ZNF708: variants seen among roughly 807,000 people sequenced by gnomAD.
ZNF708 encodes the protein zinc finger protein 708, also known as ZNF15, ZNF15L1.
A neutral mutation model predicts 47.0 loss-of-function variants in ZNF708; 44 were observed. The ratio of observed to expected loss-of-function variants is 0.94; its 90% CI spans 0.74 to 1.20. The LOEUF (loss-of-function observed/expected upper bound fraction) is 1.20, where lower values mean the gene tolerates loss of function less well. Among genes scored for constraint, ZNF708 ranks in the 50% most tolerant of loss-of-function variants. The pLI, the probability that ZNF708 is intolerant of heterozygous loss-of-function variation, is 0.00. For missense variants in ZNF708, 557 were observed against 656.0 expected (o/e 0.85, Z 1.65); for synonymous variants, 184 against 218.5 (o/e 0.84, Z 1.39).
chr19:21,328,719 T>A (rs1403171952), intron 1 of ZNF708, among the ~76,000 whole-genome samples: 2 of 152,262 alleles, frequency 1.3e-5, no homozygotes, highest in African/African-American at 4.8e-5. Flanking sequence ...GCTCCTCCCA[T>A]GAACCACAAA....
At chr19:21,320,073 G>A (rs1973096267) in intron 1 of ZNF708, among the ~76,000 whole-genome samples, 1 of 152,142 alleles carries the variant, frequency 6.6e-6, no homozygotes, top group African/African-American at 2.4e-5. Context: ...CTATTCAGGA[G>A]GCTGAGGCAG....
chr19:21,311,977 T>TA (rs1410641648), intron 1 of ZNF708, among the ~76,000 whole-genome samples: 2 of 152,094 alleles, frequency 1.3e-5, no homozygotes, highest in African/African-American at 4.8e-5. Flanking sequence ...AGCCTCATGT[T>TA]AAAATCACAT....
chr19:21,314,447 T>C (rs542312829), intron 1 of ZNF708, among the ~76,000 whole-genome samples: 2 of 152,158 alleles, frequency 1.3e-5, no homozygotes, highest in African/African-American at 2.4e-5. Flanking sequence ...TCCATAAATA[T>C]CCCTTCAAGT....
intron 1 of ZNF708, among the ~76,000 whole-genome samples, chr19:21,320,133 G>A (rs1469100209): frequency 1.3e-5 from 2 of 152,038 alleles, no homozygotes; most frequent in East Asian, 3.9e-4. Context: ...CCAAGATCAT[G>A]CCACTGCACT....
intron 1 of ZNF708, among the ~76,000 whole-genome samples, chr19:21,323,795 C>T (rs1233700709): frequency 6.6e-6 from 1 of 152,152 alleles, no homozygotes; most frequent in Non-Finnish European, 1.5e-5. Flanking sequence ...CTGGGGTGAG[C>T]AGGCTGGGAT....
intron 1 of ZNF708, among the ~76,000 whole-genome samples, chr19:21,312,768 G>A (rs1220827822): frequency 6.6e-6 from 1 of 151,654 alleles, no homozygotes; most frequent in Admixed American, 6.6e-5. Flanking sequence ...GCAGTAGTTA[G>A]AGAAAGCAGG....
intron 3 of ZNF708, among the ~76,000 whole-genome samples, chr19:21,301,406 A>C (rs1972656613): frequency 1.3e-5 from 2 of 151,940 alleles, no homozygotes; most frequent in African/African-American, 4.8e-5. Flanking sequence ...CAAGGTCAGG[A>C]GTTTGAGACC....
chr19:21,316,928 A>G (rs1973026664), intron 1 of ZNF708, among the ~76,000 whole-genome samples: 2 of 152,030 alleles, frequency 1.3e-5, no homozygotes, highest in African/African-American at 4.8e-5. Context: ...CTGGCATTAC[A>G]GGCGTGTGCC....
At chr19:21,297,909 G>C (rs919899543) in intron 3 of ZNF708, among the ~76,000 whole-genome samples, 1 of 151,826 alleles carries the variant, frequency 6.6e-6, no homozygotes, top group African/African-American at 2.4e-5. Flanking sequence ...TCTGAAAAGA[G>C]AAAAAAGGAC....
chr19:21,296,385 C>T (rs1972526908), intron 3 of ZNF708, among the ~76,000 whole-genome samples: 2 of 151,976 alleles, frequency 1.3e-5, no homozygotes, highest in African/African-American at 4.8e-5. Flanking sequence ...CCCTGTAATC[C>T]CAGCTACTCA....
intron 3 of ZNF708, among the ~76,000 whole-genome samples, chr19:21,305,015 T>C (rs1972731091): frequency 6.6e-6 from 1 of 151,942 alleles, no homozygotes; most frequent in Admixed American, 6.6e-5. Context: ...CTTCAACAGA[T>C]TCTTTTTTTT....
chr19:21,293,321 TA>T lies in ZNF708; in HGVS notation c.1644del (p.Lys549AsnfsTer90). ...TCTTTGGTATGAATTCTCTTATGTT[TA>T]GTAAGGTTTGGGGACTGGTTAAAGG... ...GKAFNQSPNLTKHKRIHTKEK... is the reference protein window; with the variant it reads ...GKAFNQSPNLXKHKRIHTKEK... On this transcript the variant is annotated frameshift_variant, in exon 4 of 4. Coordinates refer to ENST00000356929, the MANE Select transcript of ZNF708 (RefSeq NM_021269.3). LOFTEE classifies it high-confidence loss of function. The T allele has an allele frequency of 6.2e-7, 1 of 1,612,736 alleles. No homozygotes were observed. The highest frequency in any genetic ancestry group is 8.5e-7 in the Non-Finnish European group (1 of 1,179,198).
chr19:21,323,934 T>C (rs1448749853), intron 1 of ZNF708, among the ~76,000 whole-genome samples: 1 of 152,218 alleles, frequency 6.6e-6, no homozygotes, highest in Non-Finnish European at 1.5e-5. Context: ...AGTTATTCAC[T>C]TGGTCTTTGA....
intron 3 of ZNF708, among the ~76,000 whole-genome samples, chr19:21,300,751 C>T (rs931276136): frequency 6.6e-6 from 1 of 151,968 alleles, no homozygotes; most frequent in Non-Finnish European, 1.5e-5. Flanking sequence ...TGCTCCACCT[C>T]CCAGGTTCAT....
intron 3 of ZNF708, among the ~76,000 whole-genome samples, chr19:21,295,417 G>T (rs1725469513): frequency 6.6e-6 from 1 of 152,166 alleles, no homozygotes; most frequent in Non-Finnish European, 1.5e-5. Context: ...AAGACAACTG[G>T]TTTCAAACTA....
At chr19:21,295,355 A>T (rs888096340) in intron 3 of ZNF708, among the ~76,000 whole-genome samples, 3 of 152,232 alleles carry the variant, frequency 2.0e-5, no homozygotes, top group Non-Finnish European at 2.9e-5. Flanking sequence ...ACAAAATTTC[A>T]GACAAGACAC....
chr19:21,323,048 T>C (rs1472842040), intron 1 of ZNF708, among the ~76,000 whole-genome samples: 2 of 152,128 alleles, frequency 1.3e-5, no homozygotes, highest in Non-Finnish European at 2.9e-5. Context: ...TTATAAAAGA[T>C]ACAACCCAGG....
At chr19:21,315,032 T>C (rs1972974842) in intron 1 of ZNF708, among the ~76,000 whole-genome samples, 1 of 152,168 alleles carries the variant, frequency 6.6e-6, no homozygotes, top group African/African-American at 2.4e-5. Context: ...AGCTTTTGGA[T>C]AGAAGGAAGG....
chr19:21,303,714 A>C (rs926586515), intron 3 of ZNF708, among the ~76,000 whole-genome samples: 1 of 151,976 alleles, frequency 6.6e-6, no homozygotes, highest in Non-Finnish European at 1.5e-5. Flanking sequence ...GTAATAGAAA[A>C]AATTTATTTT....
Sources: gnomAD v4.1 joint callset for allele counts (sites outside exome capture counted in the v4.1 genomes callset) on GRCh38, gnomAD v4.1.1 for gene constraint, MANE v1.5 for transcripts, NCBI Gene and HGNC (gene_info 2026-07-23, HGNC 2026-07-21) for gene names.